The following STPG2 variants were observed in gnomAD, a reference collection of about 807,000 sequenced individuals.
STPG2 encodes the protein sperm tail PG-rich repeat containing 2.
STPG2 carries 56 observed loss-of-function variants against 54.2 expected under a neutral mutation model. The ratio of observed to expected loss-of-function variants is 1.03; its 90% CI spans 0.83 to 1.29. The LOEUF is 1.29. STPG2 is among the 50% of genes most tolerant of loss of function. The pLI is 0.00. For missense variants in STPG2, 596 were observed against 544.9 expected, an observed-to-expected ratio of 1.09 and a Z score of -0.93; for synonymous variants, 200 against 181.8, an observed-to-expected ratio of 1.10 and a Z score of -0.81.
At chr4:97,739,734 C>T (rs1288613039) in intron 9 of STPG2, among the ~76,000 whole-genome samples, 1 of 152,106 alleles carries the variant, frequency 6.6e-6, no homozygotes, top group Admixed American at 6.6e-5. Flanking sequence ...AGTTTACCAA[C>T]CAAAAAGAGT....
At chr4:97,717,543 A>T (rs952763568) in intron 9 of STPG2, among the ~76,000 whole-genome samples, 4 of 152,184 alleles carry the variant, frequency 2.6e-5, no homozygotes, top group Non-Finnish European at 4.4e-5. Flanking sequence ...CTTGACTGAA[A>T]TATCTCTTCA....
intron 10 of STPG2, among the ~76,000 whole-genome samples, chr4:97,691,813 G>A (rs1196024903): frequency 3.3e-5 from 5 of 152,250 alleles, no homozygotes; most frequent in African/African-American, 1.2e-4. Flanking sequence ...TACCTCCACC[G>A]GGAGTAGGTG....
At chr4:97,500,389 A>C (rs1730698188) in intron 4 of STPG2, among the ~76,000 whole-genome samples, 2 of 152,062 alleles carry the variant, frequency 1.3e-5, no homozygotes, top group Admixed American at 1.3e-4. Context: ...AAAGATCAGG[A>C]GTTTGGCTCT....
intron 9 of STPG2, among the ~76,000 whole-genome samples, chr4:97,759,238 C>T (rs1232476852): frequency 6.6e-6 from 1 of 152,018 alleles, no homozygotes; most frequent in African/African-American, 2.4e-5. Context: ...TTGCCACTAG[C>T]CTTTATTCTG....
chr4:97,537,711 T>C (rs1220537353), intron 4 of STPG2, among the ~76,000 whole-genome samples: 2 of 152,176 alleles, frequency 1.3e-5, no homozygotes, highest in Non-Finnish European at 2.9e-5. Flanking sequence ...TCTCCCAGCA[T>C]GCAGCTTGAG....
At chr4:97,987,411 A>G (rs1734862885) in intron 5 of STPG2, among the ~76,000 whole-genome samples, 1 of 152,186 alleles carries the variant, frequency 6.6e-6, no homozygotes, top group African/African-American at 2.4e-5. Flanking sequence ...TTTTCCATCA[A>G]ATAGGCTTTA....
intron 5 of STPG2, among the ~76,000 whole-genome samples, chr4:98,089,135 A>G (rs1738610385): frequency 6.6e-6 from 1 of 151,614 alleles, no homozygotes; most frequent in Non-Finnish European, 1.5e-5. Context: ...GATTTCTGAG[A>G]TTTTGGTGCA....
chr4:97,912,336 A>G (rs532541039), intron 8 of STPG2, among the ~76,000 whole-genome samples: 1 of 152,338 alleles, frequency 6.6e-6, no homozygotes, highest in East Asian at 1.9e-4. Flanking sequence ...AATTGAAAGA[A>G]GTAGACTTCA....
chr4:98,107,165 T>C (rs1040902554), intron 4 of STPG2, among the ~76,000 whole-genome samples: 5 of 152,166 alleles, frequency 3.3e-5, no homozygotes, highest in African/African-American at 1.2e-4. Flanking sequence ...AAATGTCACA[T>C]ATCATTTAGG....
At chr4:97,601,352 G>A (rs964191382) in intron 10 of STPG2, among the ~76,000 whole-genome samples, 3 of 151,682 alleles carry the variant, frequency 2.0e-5, no homozygotes, top group African/African-American at 7.3e-5. Flanking sequence ...AATATGTTAA[G>A]CAAAAAAAGA....
chr4:97,754,703 A>G (rs1221021267), intron 9 of STPG2, among the ~76,000 whole-genome samples: 22 of 151,880 alleles, frequency 1.4e-4, no homozygotes, highest in Admixed American at 1.2e-3. Context: ...CTCTCTTCTC[A>G]CCCCATAAAT....
chr4:97,904,291 C>T (rs1480687362), intron 8 of STPG2, among the ~76,000 whole-genome samples: 2 of 152,198 alleles, frequency 1.3e-5, no homozygotes, highest in Non-Finnish European at 2.9e-5. Context: ...GGTCCCTGAC[C>T]CCTGACCCCC....
intron 8 of STPG2, among the ~76,000 whole-genome samples, chr4:97,922,133 T>C (rs889029227): frequency 2.0e-5 from 3 of 152,324 alleles, no homozygotes; most frequent in East Asian, 1.9e-4. Flanking sequence ...ATAGGTCATA[T>C]ACTTAAAAAT....
At chr4:97,900,091 C>T (rs1578668415) in intron 8 of STPG2, among the ~76,000 whole-genome samples, 1 of 152,066 alleles carries the variant, frequency 6.6e-6, no homozygotes, top group Non-Finnish European at 1.5e-5. Flanking sequence ...AAAACAACCC[C>T]ATTAAAAAGT....
intron 10 of STPG2, among the ~76,000 whole-genome samples, chr4:97,673,523 T>C (rs1722755750): frequency 6.6e-6 from 1 of 152,196 alleles, no homozygotes; most frequent in Non-Finnish European, 1.5e-5. Context: ...TCTAAACTGA[T>C]GTAATTATTC....
At position 97,832,102 on chromosome 4, in the gene STPG2, T is replaced by C. The variant is rs561287058; in HGVS notation, c.1204+8671A>G. 9.8e-5 allele frequency among the ~76,000 whole-genome samples: 15 copies of C among 152,290 alleles called. 1 individual carries two copies. In the South Asian group the frequency reaches 1.2e-3, roughly 13 times the overall value. On this transcript the variant is annotated intron_variant, in intron 9 of 10. Transcript: ENST00000295268. ...TTCAGGCCAATATCCCTGATAAACA[T>C]TGATGCAAAAATCCTCAATAAAATA...
At chr4:98,108,951 GC>G (rs1739267285) in intron 4 of STPG2, among the ~76,000 whole-genome samples, 1 of 152,040 alleles carries the variant, frequency 6.6e-6, no homozygotes. Context: ...GATGGGTGCA[GC>G]AAAACACTAT....
intron 10 of STPG2, among the ~76,000 whole-genome samples, chr4:97,616,826 T>G (rs1460837513): frequency 2.6e-5 from 4 of 152,092 alleles, no homozygotes; most frequent in African/African-American, 7.2e-5. Context: ...TGTATGCCAA[T>G]GTATATGTGC....
chr4:97,678,806 T>C (rs997913893), intron 10 of STPG2, among the ~76,000 whole-genome samples: 7 of 132,158 alleles, frequency 5.3e-5, no homozygotes, highest in Non-Finnish European at 7.8e-5. Flanking sequence ...CCCCAGAGTG[T>C]GATGTTCCCC....
Sources: gnomAD v4.1 joint callset for allele counts (sites outside exome capture counted in the v4.1 genomes callset) on GRCh38, gnomAD v4.1.1 for gene constraint, MANE v1.5 for transcripts, NCBI Gene and HGNC (gene_info 2026-07-23, HGNC 2026-07-21) for gene names.